The following CNTNAP2 variants were observed in gnomAD, a reference collection of about 807,000 sequenced individuals.
CNTNAP2 encodes the protein contactin-associated protein-like 2.
A neutral mutation model predicts 155.2 loss-of-function variants in CNTNAP2; 98 were observed. That is an observed-to-expected ratio of 0.63 (90% CI 0.54 to 0.75). The LOEUF (loss-of-function observed/expected upper bound fraction) is 0.75, where lower values mean the gene tolerates loss of function less well. Ranked by LOEUF, CNTNAP2 falls within the 30% of genes least tolerant of loss-of-function variation. The pLI is 0.00. For missense variants in CNTNAP2, 1,727 were observed against 1,688.1 expected (o/e 1.02, Z -0.40); for synonymous variants, 651 against 631.2 (o/e 1.03, Z -0.47).
chr7:147,324,197 A>G (rs983213678), intron 9 of CNTNAP2, among the ~76,000 whole-genome samples: 4 of 152,160 alleles, frequency 2.6e-5, no homozygotes, highest in African/African-American at 9.7e-5. Context: ...AAGGTTCAGG[A>G]GAGCAGGAGC....
At chr7:146,256,991 A>G (rs945053621) in intron 1 of CNTNAP2, among the ~76,000 whole-genome samples, 5 of 152,206 alleles carry the variant, frequency 3.3e-5, no homozygotes, top group African/African-American at 7.2e-5. Context: ...ATTATCCACA[A>G]TGTTTCAAAG....
rs9655697 is a variant in CNTNAP2, at chr7:146,923,943, T to C, written c.402+84039T>C. ...GAGGTGGGTCACAGAATCTGTATTT[T>C]AATGAGCCCTCCCAGCAATCCTGAT... On this transcript the variant is annotated intron_variant, in intron 3 of 23. Coordinates refer to ENST00000361727, the MANE Select transcript of CNTNAP2 (RefSeq NM_014141.6). Among the ~76,000 whole-genome samples, 267 of 152,258 alleles carry C rather than the reference T, an allele frequency of 1.8e-3. 1 individual carries two copies. Among genetic ancestry groups the C allele is most frequent in the African/African-American group, 6.2e-3 (257 of 41,552 alleles).
intron 13 of CNTNAP2, among the ~76,000 whole-genome samples, chr7:147,663,476 A>G (rs1242922840): frequency 6.6e-6 from 1 of 152,262 alleles, no homozygotes; most frequent in Non-Finnish European, 1.5e-5. Context: ...AGAATTGGTC[A>G]AAGAACAGAG....
intron 21 of CNTNAP2, among the ~76,000 whole-genome samples, chr7:148,272,881 T>G (rs1414269249): frequency 6.6e-6 from 1 of 152,110 alleles, no homozygotes; most frequent in Non-Finnish European, 1.5e-5. Context: ...TCAGAAGACC[T>G]GGGAATGTCT....
At chr7:146,202,469 G>A (rs1216978279) in intron 1 of CNTNAP2, among the ~76,000 whole-genome samples, 3 of 152,090 alleles carry the variant, frequency 2.0e-5, no homozygotes, top group Non-Finnish European at 4.4e-5. Context: ...CTTAATGCCT[G>A]TGTATAAAGA....
intron 8 of CNTNAP2, among the ~76,000 whole-genome samples, chr7:147,224,387 A>C (rs949603468): frequency 6.6e-6 from 1 of 152,174 alleles, no homozygotes; most frequent in African/African-American, 2.4e-5. Context: ...AGGGTCCATA[A>C]ATAAAGTTTT....
At position 147,143,827 on chromosome 7, in the gene CNTNAP2, T is replaced by C. The variant is rs1321510130; in HGVS notation, c.1348+11318T>C. On this transcript the variant is annotated intron_variant, in intron 8 of 23. Transcript: ENST00000361727. ...TGTACTGGGTAAACTATTTCAGGAG[T>C]AAAATGAAAGCGTGTATACATTTGC... 2.0e-5 allele frequency among the ~76,000 whole-genome samples: 3 copies of C among 152,238 alleles called. 1 individual carries two copies. The highest frequency in any genetic ancestry group is 3.9e-4 in the East Asian group (2 of 5,176).
chr7:147,972,134 T>C (rs1801343827), intron 14 of CNTNAP2, among the ~76,000 whole-genome samples: 1 of 152,206 alleles, frequency 6.6e-6, no homozygotes, highest in Non-Finnish European at 1.5e-5. Flanking sequence ...TGTGTTTATG[T>C]TGTATTTGTA....
intron 13 of CNTNAP2, among the ~76,000 whole-genome samples, chr7:147,754,697 GA>G (rs1030592653): frequency 2.4e-4 from 36 of 151,796 alleles, no homozygotes; most frequent in East Asian, 1.7e-3. Flanking sequence ...TATTACATAA[GA>G]AAAAAAATTT....
At chr7:148,213,501 T>C (rs1049393131) in intron 18 of CNTNAP2, among the ~76,000 whole-genome samples, 2 of 152,092 alleles carry the variant, frequency 1.3e-5, no homozygotes, top group African/African-American at 4.8e-5. Context: ...GCGCCTGGTA[T>C]GCGTGTCTTC....
intron 13 of CNTNAP2, among the ~76,000 whole-genome samples, chr7:147,733,099 T>C (rs1192845927): frequency 6.6e-6 from 1 of 152,226 alleles, no homozygotes; most frequent in Non-Finnish European, 1.5e-5. Flanking sequence ...AGACATGAAG[T>C]CCTTGCCCAT....
chr7:147,547,478 A>T (rs1799757595), intron 11 of CNTNAP2, among the ~76,000 whole-genome samples: 1 of 152,142 alleles, frequency 6.6e-6, no homozygotes, highest in Non-Finnish European at 1.5e-5. Flanking sequence ...CCTGCCTGCT[A>T]GGGGGCAGCA....
chr7:146,147,052 T>C (rs916080450), intron 1 of CNTNAP2, among the ~76,000 whole-genome samples: 1 of 152,174 alleles, frequency 6.6e-6, no homozygotes, highest in Non-Finnish European at 1.5e-5. Context: ...ATACAGACTT[T>C]AATTTAAGAC....
At chr7:146,514,577 A>C (rs1353002363) in intron 1 of CNTNAP2, among the ~76,000 whole-genome samples, 1 of 151,808 alleles carries the variant, frequency 6.6e-6, no homozygotes, top group Non-Finnish European at 1.5e-5. Flanking sequence ...TGATATTTTT[A>C]ATGACTTTAA....
intron 1 of CNTNAP2, among the ~76,000 whole-genome samples, chr7:146,718,492 C>T (rs183188467): frequency 6.6e-6 from 1 of 152,128 alleles, no homozygotes; most frequent in East Asian, 1.9e-4. Flanking sequence ...CTGGGAACCT[C>T]TGTTCCTTAA....
intron 1 of CNTNAP2, among the ~76,000 whole-genome samples, chr7:146,717,276 G>A (rs919898385): frequency 1.4e-4 from 21 of 151,846 alleles, no homozygotes; most frequent in African/African-American, 5.1e-4. Flanking sequence ...GCCGAGGCGG[G>A]TGGATCACCT....
intron 13 of CNTNAP2, among the ~76,000 whole-genome samples, chr7:147,880,587 C>CA (rs1361089304): frequency 1.7e-4 from 23 of 137,092 alleles, no homozygotes; most frequent in Non-Finnish European, 3.1e-4. Flanking sequence ...AAAGTGCCAA[C>CA]TTTTTCATTG....
intron 15 of CNTNAP2, among the ~76,000 whole-genome samples, chr7:148,108,095 G>A (rs1324312303): frequency 1.3e-5 from 2 of 152,188 alleles, no homozygotes; most frequent in Non-Finnish European, 2.9e-5. Flanking sequence ...TCCCCTCTGG[G>A]GAGGGAGGAG....
At chr7:146,981,580 A>G (rs2129236785) in intron 3 of CNTNAP2, among the ~76,000 whole-genome samples, 1 of 152,236 alleles carries the variant, frequency 6.6e-6, no homozygotes, top group African/African-American at 2.4e-5. Flanking sequence ...ATTTACGTTG[A>G]TTTCCATTTT....
Sources: gnomAD v4.1 joint callset for allele counts (sites outside exome capture counted in the v4.1 genomes callset) on GRCh38, gnomAD v4.1.1 for gene constraint, MANE v1.5 for transcripts, NCBI Gene and HGNC (gene_info 2026-07-23, HGNC 2026-07-21) for gene names.